NSD1: variants seen among roughly 807,000 people sequenced by gnomAD.
NSD1 encodes nuclear receptor binding SET domain protein 1.
NSD1 carries 26 observed loss-of-function variants against 242.7 expected under a neutral mutation model. That is an observed-to-expected ratio of 0.11 (90% CI 0.08 to 0.15). The LOEUF (loss-of-function observed/expected upper bound fraction) is 0.15, where lower values mean the gene tolerates loss of function less well. NSD1 is among the 10% of genes least tolerant of loss of function. NSD1 has a pLI of 1.00. For missense variants in NSD1, 2,495 were observed against 3,272.8 expected (o/e 0.76, Z 5.80); for synonymous variants, 1,106 against 1,178.1 (o/e 0.94, Z 1.25).
chr5:177,150,781 T>C (rs1757638302), intron 2 of NSD1, among the ~76,000 whole-genome samples: 1 of 152,200 alleles, frequency 6.6e-6, no homozygotes, highest in South Asian at 2.1e-4. Context: ...ATTTCCTGTG[T>C]TATCTCTGAT....
Position 177,294,042 on chromosome 5 carries a change from C to A in NSD1, c.6674C>A (p.Pro2225Gln), listed in dbSNP as rs755013078. The change falls in exon 23 of 23, where the codon CCA becomes CAA. Residue 2225 changes from proline (P) to glutamine (Q), a missense_variant. Around this residue, in one of 19 missense-constraint regions of NSD1, gnomAD observed 475 missense variants for 563.7 expected, o/e 0.84. Transcript: ENST00000439151. ...GAGATCCGTGAGTATGTGCCTCCCCCAGTACCGCTGCCTCCAGGGCCAAGC... is the reference window on the plus strand; with the variant it reads ...GAGATCCGTGAGTATGTGCCTCCCCAAGTACCGCTGCCTCCAGGGCCAAGC... Reference protein sequence around the residue: ...PGEIREYVPPPVPLPPGPSTH... With the variant: ...PGEIREYVPPQVPLPPGPSTH... 1.2e-5 allele frequency: 20 copies of A among 1,613,982 alleles called. No homozygotes were observed. Among genetic ancestry groups the A allele is most frequent in the East Asian group, 4.5e-5 (2 of 44,884 alleles).
rs1339329685 is a variant in NSD1 at position 177,211,882 on chromosome 5, G to A, written c.3483G>A (p.Gln1161=). The change falls in exon 5 of 23, where the codon CAG becomes CAA. Residue 1161 remains glutamine, a synonymous_variant. Coordinates refer to ENST00000439151, the MANE Select transcript of NSD1 (RefSeq NM_022455.5). ...VNQVVPKKRW[Q]RLNQRRTKPR... is the part of the protein sequence containing the mutation. Reference sequence around the variant, plus strand: ...AAGTGGTGCCTAAAAAGCGGTGGCAGCGTTTAAACCAAAGGCGCACTAAAC... The same window carrying A: ...AAGTGGTGCCTAAAAAGCGGTGGCAACGTTTAAACCAAAGGCGCACTAAAC... 1 of 1,612,206 alleles carries A rather than the reference G, an allele frequency of 6.2e-7. No individual in the cohort carries two copies. The highest frequency in any genetic ancestry group is 1.1e-5 in the South Asian group (1 of 90,808).
chr5:177,218,258 G>C (rs547560096), intron 5 of NSD1, among the ~76,000 whole-genome samples: 15 of 152,184 alleles, frequency 9.9e-5, no homozygotes, highest in African/African-American at 2.9e-4. Context: ...ATGTTGCCTA[G>C]GGTGGTCTCA....
rs1183608183 is a variant in NSD1 at position 177,211,701 on chromosome 5, A to G, written c.3302A>G (p.Asp1101Gly). The G allele has an allele frequency of 6.2e-7, 1 of 1,614,002 alleles. No individual in the cohort carries two copies. The highest frequency in any genetic ancestry group is 8.5e-7 in the Non-Finnish European group (1 of 1,180,034). Reference protein sequence around the residue: ...LQIMGHLTSEDGDHFSDVHFD... With the variant: ...LQIMGHLTSEGGDHFSDVHFD... ...ATAATGGGCCACTTAACAAGTGAAGATGGTGACCATTTTTCTGATGTGCAT... is the reference window on the plus strand; with the variant it reads ...ATAATGGGCCACTTAACAAGTGAAGGTGGTGACCATTTTTCTGATGTGCAT... The change falls in exon 5 of 23, where the codon GAT becomes GGT. Residue 1101 changes from aspartate (D) to glycine (G), a missense_variant. By Grantham distance (94) the Asp-to-Gly change is moderately conservative (BLOSUM62 -1). Transcript: ENST00000439151.
intron 2 of NSD1, among the ~76,000 whole-genome samples, chr5:177,150,290 C>G (rs1380560228): frequency 6.6e-6 from 1 of 152,042 alleles, no homozygotes; most frequent in Non-Finnish European, 1.5e-5. Context: ...CCCGCCACGA[C>G]GCCTGGCTTT....
intron 20 of NSD1, among the ~76,000 whole-genome samples, chr5:177,285,297 T>C (rs148533525): frequency 0.049 from 7,415 of 151,964 alleles, 200 homozygotes; most frequent in South Asian, 0.081. Context: ...GGCGCGATGG[T>C]TCACGCCTGT....
chr5:177,164,946 T>TAA (rs377654174), intron 2 of NSD1, among the ~76,000 whole-genome samples: 20 of 134,488 alleles, frequency 1.5e-4, no homozygotes, highest in Admixed American at 2.3e-4. Flanking sequence ...TCTGTCTCAT[T>TAA]AAAAAAAAAA....
intron 3 of NSD1, among the ~76,000 whole-genome samples, chr5:177,199,925 A>T (rs185999063): frequency 7.4e-4 from 113 of 152,118 alleles, no homozygotes; most frequent in African/African-American, 2.6e-3. Flanking sequence ...TATAATGGGT[A>T]TGTCATGGAG....
At chr5:177,236,800 TA>T (rs1157697831) in intron 6 of NSD1, among the ~76,000 whole-genome samples, 1 of 152,206 alleles carries the variant, frequency 6.6e-6, no homozygotes. Context: ...ATTAGAGGGT[TA>T]AAAAATGTTT....
chr5:177,137,316 C>T (rs1756419700), intron 2 of NSD1: 1 of 163,996 alleles, frequency 6.1e-6, no homozygotes, highest in African/African-American at 2.4e-5. Context: ...TTTTGGCCAA[C>T]AAATGTCTCA....
chr5:177,166,411 G>A (rs1759201398), intron 2 of NSD1, among the ~76,000 whole-genome samples: 1 of 151,926 alleles, frequency 6.6e-6, no homozygotes, highest in South Asian at 2.1e-4. Context: ...AGCCAAGTGT[G>A]GTGGCATGCA....
chr5:177,144,680 A>G (rs1189929460), intron 2 of NSD1, among the ~76,000 whole-genome samples: 1 of 152,126 alleles, frequency 6.6e-6, no homozygotes, highest in Non-Finnish European at 1.5e-5. Context: ...CAGTCTCTGA[A>G]ATTTAGTGGT....
In NSD1 at chr5:177,269,480, G is replaced by GTA; in HGVS notation, c.5304-121_5304-120dup. 1.2e-6 allele frequency: 1 copy of GTA among 866,476 alleles called. No individual in the cohort carries two copies. 53.7% of individuals were successfully genotyped at this position (866,476 alleles called of 1,614,324 possible). A position where few individuals can be genotyped will look rare whatever the true frequency, so the allele number is the denominator to read the frequency against. ...GTTCTAGTTAGGTTGTAAGAATGCC[G>GTA]TAAGATGGACTTTAATGTGGACAGA... On this transcript the variant is annotated intron_variant, in intron 15 of 22. Transcript: ENST00000439151. This position sits in a 1 kb window ranked among gnomAD's most constrained non-coding sequence, Gnocchi z 5.1.
intron 5 of NSD1, among the ~76,000 whole-genome samples, chr5:177,217,599 A>G (rs1404345535): frequency 6.7e-6 from 1 of 148,680 alleles, no homozygotes; most frequent in Non-Finnish European, 1.5e-5. Context: ...CTTTTTATAT[A>G]TAGTCTTTAT....
upstream of NSD1, chr5:177,133,040 T>TGTG (rs561454196): frequency 9.7e-4 from 149 of 153,436 alleles, no homozygotes; most frequent in African/African-American, 2.2e-3. This position sits in a 1 kb window ranked among gnomAD's most constrained non-coding sequence, Gnocchi z 6.2. Context: ...CAGCTTGGTC[T>TGTG]GTGGTGGTGG....
At chr5:177,272,397 TGAA>T (rs1006278843) in intron 16 of NSD1, among the ~76,000 whole-genome samples, 1 of 151,662 alleles carries the variant, frequency 6.6e-6, no homozygotes, top group African/African-American at 2.4e-5. Context: ...TACAAGGAAA[TGAA>T]GAAAAAAGGA....
upstream of NSD1, among the ~76,000 whole-genome samples, chr5:177,132,165 C>T (rs1253122534): frequency 6.6e-6 from 1 of 152,094 alleles, no homozygotes; most frequent in African/African-American, 2.4e-5. The surrounding 1 kb of genome is among the most constrained non-coding windows in gnomAD (Gnocchi z 7.5). Context: ...GGGCTTGTCC[C>T]GGCCAGCCGG....
chr5:177,202,678 CA>C (rs773006192), intron 3 of NSD1, among the ~76,000 whole-genome samples: 10 of 152,174 alleles, frequency 6.6e-5, no homozygotes, highest in Non-Finnish European at 1.3e-4. Context: ...TACACCTGGC[CA>C]GTTCAATGTA....
At chr5:177,286,639 C>T (rs568635409) in intron 20 of NSD1, among the ~76,000 whole-genome samples, 95 of 152,268 alleles carry the variant, frequency 6.2e-4, no homozygotes, top group Non-Finnish European at 1.1e-3. Flanking sequence ...TCTCTCTAAT[C>T]GCCCCAGGGG....
Sources: gnomAD v4.1 joint callset for allele counts (sites outside exome capture counted in the v4.1 genomes callset) on GRCh38, gnomAD v4.1.1 for gene constraint, gnomAD v4.1.1 regional missense constraint, Gnocchi (gnomAD v3.1) non-coding constraint, MANE v1.5 for transcripts, NCBI Gene and HGNC (gene_info 2026-07-23, HGNC 2026-07-21) for gene names.